The following FAM171A1 variants were observed in gnomAD, a reference collection of about 807,000 sequenced individuals.
FAM171A1 encodes the protein family with sequence similarity 171 member A1, also known as protein FAM171A1.
FAM171A1 carries 23 observed loss-of-function variants against 74.9 expected under a neutral mutation model. That is an observed-to-expected ratio of 0.31 (90% CI 0.22 to 0.44). The LOEUF (loss-of-function observed/expected upper bound fraction) is 0.44. FAM171A1 is among the 20% of genes least tolerant of loss of function. The probability of loss-of-function intolerance (pLI) is 1.00; values close to 1 mark genes in which losing one functional copy is unlikely to be tolerated. For synonymous variants in FAM171A1, 527 were observed against 505.7 expected, an observed-to-expected ratio of 1.04 and a Z score of -0.57; for missense variants, 1,162 against 1,159.2, an observed-to-expected ratio of 1.00 and a Z score of -0.03.
chr10:15,228,809 C>A (rs544710318), intron 5 of FAM171A1, among the ~76,000 whole-genome samples: 1 of 152,184 alleles, frequency 6.6e-6, no homozygotes, highest in Non-Finnish European at 1.5e-5. Flanking sequence ...TAGTCGTGTG[C>A]GCTGAGGACA....
chr10:15,315,879 G>A (rs1835416173), intron 1 of FAM171A1, among the ~76,000 whole-genome samples: 3 of 151,946 alleles, frequency 2.0e-5, no homozygotes, highest in Admixed American at 2.0e-4. Context: ...AGAAAATACA[G>A]AAAAAATATA....
chr10:15,345,704 T>G (rs765060508), intron 1 of FAM171A1, among the ~76,000 whole-genome samples: 2 of 152,072 alleles, frequency 1.3e-5, no homozygotes, highest in Non-Finnish European at 2.9e-5. Context: ...CCTGGGATCC[T>G]AGGCCACGTC....
chr10:15,272,261 G>A (rs1203773129), intron 3 of FAM171A1, among the ~76,000 whole-genome samples: 1 of 152,066 alleles, frequency 6.6e-6, no homozygotes, highest in Admixed American at 6.6e-5. Context: ...TGATAAAACA[G>A]ACTTTAAACC....
At chr10:15,259,383 A>G (rs915280680) in intron 3 of FAM171A1, among the ~76,000 whole-genome samples, 10 of 152,056 alleles carry the variant, frequency 6.6e-5, no homozygotes, top group African/African-American at 2.4e-4. Flanking sequence ...TACTACTCTA[A>G]TCATGTCCTT....
In FAM171A1 at chr10:15,212,757, C is replaced by T. The variant is rs1416370259; in HGVS notation, c.*158G>A. 3 of 1,023,338 alleles carry T rather than the reference C, an allele frequency of 2.9e-6. No homozygotes were observed. In the African/African-American group the frequency reaches 4.8e-5, roughly 16 times the overall value. 63.4% of individuals were successfully genotyped at this position (1,023,338 alleles called of 1,614,324 possible). ...TTATTCCGAGTAATAACTTTAATTCCTTTCTAACATTTACACGGCAAACAG... is the reference window on the plus strand; with the variant it reads ...TTATTCCGAGTAATAACTTTAATTCTTTTCTAACATTTACACGGCAAACAG... On this transcript the variant is annotated 3_prime_UTR_variant, in exon 8 of 8. Transcript: ENST00000378116.
intron 1 of FAM171A1, among the ~76,000 whole-genome samples, chr10:15,361,987 C>T (rs1207957702): frequency 6.6e-6 from 1 of 152,212 alleles, no homozygotes; most frequent in Non-Finnish European, 1.5e-5. Flanking sequence ...CTGGTAAACT[C>T]AATTTTCACT....
chr10:15,337,038 T>G (rs1017996695), intron 1 of FAM171A1, among the ~76,000 whole-genome samples: 6 of 150,286 alleles, frequency 4.0e-5, no homozygotes, highest in African/African-American at 1.5e-4. Flanking sequence ...AGGACTACAG[T>G]TGGCTATTTT....
At chr10:15,354,391 A>G (rs1319872126) in intron 1 of FAM171A1, among the ~76,000 whole-genome samples, 1 of 152,052 alleles carries the variant, frequency 6.6e-6, no homozygotes, top group African/African-American at 2.4e-5. Context: ...AGCTATTCAG[A>G]AGGCTGAGCC....
At chr10:15,328,120 CTAAAGA>C (rs991913058) in intron 1 of FAM171A1, among the ~76,000 whole-genome samples, 4 of 150,022 alleles carry the variant, frequency 2.7e-5, no homozygotes, top group Non-Finnish European at 4.4e-5. Context: ...AAAAACCTTT[CTAAAGA>C]TAAATATTAA....
chr10:15,311,052 G>A (rs973442230), intron 1 of FAM171A1, among the ~76,000 whole-genome samples: 2 of 152,186 alleles, frequency 1.3e-5, no homozygotes, highest in African/African-American at 2.4e-5. Context: ...CTGCTGGGGC[G>A]TATCTCTGTT....
intron 1 of FAM171A1, among the ~76,000 whole-genome samples, chr10:15,289,576 CAA>C (rs913310954): frequency 2.0e-5 from 3 of 152,126 alleles, no homozygotes; most frequent in African/African-American, 7.2e-5. Context: ...GCAACTTTAC[CAA>C]AACAGTCACC....
At chr10:15,366,666 T>C (rs1014020772) in intron 1 of FAM171A1, among the ~76,000 whole-genome samples, 4 of 152,202 alleles carry the variant, frequency 2.6e-5, no homozygotes, top group Admixed American at 2.6e-4. Context: ...CAGGACAAAC[T>C]CCTCTCTCTA....
intron 5 of FAM171A1, among the ~76,000 whole-genome samples, chr10:15,224,156 T>A (rs1452751240): frequency 6.6e-6 from 1 of 151,928 alleles, no homozygotes. Flanking sequence ...TTAGTTTTGA[T>A]GAACAGGCAG....
At chr10:15,252,189 G>A (rs930100573) in intron 4 of FAM171A1, among the ~76,000 whole-genome samples, 1 of 152,136 alleles carries the variant, frequency 6.6e-6, no homozygotes, top group East Asian at 1.9e-4. Context: ...GGAAGAGTGC[G>A]ATGCTCTCCG....
At chr10:15,241,145 A>C (rs193180499) in intron 5 of FAM171A1, 6 of 152,348 alleles carry the variant, frequency 3.9e-5, no homozygotes, top group Admixed American at 1.3e-4. Context: ...CTTTCTTTAC[A>C]GAGTTTGAGG....
intron 2 of FAM171A1, among the ~76,000 whole-genome samples, chr10:15,283,340 T>C (rs566588382): frequency 6.6e-6 from 1 of 152,212 alleles, no homozygotes; most frequent in Non-Finnish European, 1.5e-5. Context: ...CTCCTGTCCA[T>C]TCTCCAAGAC....
At chr10:15,258,338 A>T (rs950051832) in intron 3 of FAM171A1, among the ~76,000 whole-genome samples, 11 of 151,820 alleles carry the variant, frequency 7.2e-5, no homozygotes, top group African/African-American at 2.7e-4. Context: ...TGCTTTCAAA[A>T]ATCTGTTCTT....
At chr10:15,303,859 T>C (rs538650082) in intron 1 of FAM171A1, among the ~76,000 whole-genome samples, 8 of 152,296 alleles carry the variant, frequency 5.3e-5, no homozygotes, top group African/African-American at 1.9e-4. Context: ...GAGTTAGGAA[T>C]ACAAGCGTGG....
At chr10:15,338,197 C>T (rs1835726320) in intron 1 of FAM171A1, among the ~76,000 whole-genome samples, 1 of 152,112 alleles carries the variant, frequency 6.6e-6, no homozygotes, top group African/African-American at 2.4e-5. Context: ...AAATTTAGTA[C>T]AGGGGAAATT....
Sources: allele counts gnomAD v4.1 joint callset (sites outside exome capture counted in the v4.1 genomes callset), GRCh38; gene constraint gnomAD v4.1.1; transcripts MANE v1.5; gene names NCBI Gene and HGNC (gene_info 2026-07-23, HGNC 2026-07-21).